The following PDLIM1 variants were observed in gnomAD, a reference collection of about 807,000 sequenced individuals.
PDLIM1 encodes the protein PDZ and LIM domain protein 1.
A neutral mutation model predicts 35.2 loss-of-function variants in PDLIM1; 25 were observed. The observed-to-expected ratio is 0.71, with a 90% CI of 0.52 to 0.99. The LOEUF (loss-of-function observed/expected upper bound fraction) is 0.99, where lower values mean the gene tolerates loss of function less well. Among genes scored for constraint, PDLIM1 ranks in the 50% least tolerant of loss-of-function variants. The pLI, the probability that PDLIM1 is intolerant of heterozygous loss-of-function variation, is 0.00. For missense variants in PDLIM1, 363 were observed against 415.3 expected (o/e 0.87, Z 1.09); for synonymous variants, 152 against 154.0 (o/e 0.99, Z 0.10).
intron 4 of PDLIM1, among the ~76,000 whole-genome samples, chr10:95,250,702 G>A (rs537481310): frequency 3.3e-5 from 5 of 152,298 alleles, no homozygotes; most frequent in East Asian, 1.9e-4. Flanking sequence ...TTTTGACGGC[G>A]TAACAGTGAA....
chr10:95,286,929 TGACCCA>T, intron 1 of PDLIM1, among the ~76,000 whole-genome samples: 1 of 152,204 alleles, frequency 6.6e-6, no homozygotes, highest in Non-Finnish European at 1.5e-5. Flanking sequence ...TAGGAGAATA[TGACCCA>T]GACGCTTAGA....
chr10:95,245,642 C>T (rs1268302135), intron 5 of PDLIM1, among the ~76,000 whole-genome samples: 1 of 152,208 alleles, frequency 6.6e-6, no homozygotes, highest in Non-Finnish European at 1.5e-5. Context: ...AAAGCTAATA[C>T]TGGAACTTGA....
chr10:95,286,358 A>G (rs2035602099), intron 1 of PDLIM1, among the ~76,000 whole-genome samples: 1 of 149,588 alleles, frequency 6.7e-6, no homozygotes, highest in Non-Finnish European at 1.5e-5. Context: ...CCCTGTCTCA[A>G]AAAAAAAAAA....
At chr10:95,283,989 G>C (rs201742352) in intron 1 of PDLIM1, among the ~76,000 whole-genome samples, 46,137 of 150,600 alleles carry the variant, frequency 0.31, 7,176 homozygotes, top group Middle Eastern at 0.35. Context: ...CTCTGTGTGT[G>C]TGTGTGTGTG....
rs772454674 is a variant in PDLIM1, at chr10:95,290,942, G to T, written c.-27C>A. ...GCGCGGCTGTGGCGGGCGACGACCCGCGGGGACAGACGGGCAGGACGCGCG... is the reference window on the plus strand; with the variant it reads ...GCGCGGCTGTGGCGGGCGACGACCCTCGGGGACAGACGGGCAGGACGCGCG... On this transcript the variant is annotated 5_prime_UTR_variant, in exon 1 of 7. Transcript: ENST00000329399. This position sits in a 1 kb window ranked among gnomAD's most constrained non-coding sequence, Gnocchi z 4.7. 2.7e-6 allele frequency: 4 copies of T among 1,459,002 alleles called. No individual in the cohort carries two copies. Among genetic ancestry groups the T allele is most frequent in the Non-Finnish European group, 3.7e-6 (4 of 1,072,416 alleles). The allele number at this position is 1,459,002 out of a possible 1,614,324, so 90.4% of individuals were successfully genotyped here. A position where few individuals can be genotyped will look rare whatever the true frequency, so the allele number is the denominator to read the frequency against.
intron 4 of PDLIM1, among the ~76,000 whole-genome samples, chr10:95,260,062 A>T (rs1476936593): frequency 6.6e-6 from 1 of 152,248 alleles, no homozygotes; most frequent in Non-Finnish European, 1.5e-5. Context: ...ATGGGGATGG[A>T]GTTCCTCATG....
intron 1 of PDLIM1, among the ~76,000 whole-genome samples, chr10:95,285,722 C>G (rs1312355158): frequency 6.6e-6 from 1 of 152,192 alleles, no homozygotes; most frequent in African/African-American, 2.4e-5. Context: ...CCACTCACTG[C>G]TATATGATGC....
intron 5 of PDLIM1, among the ~76,000 whole-genome samples, chr10:95,241,213 A>C (rs1464210241): frequency 1.3e-5 from 2 of 152,206 alleles, no homozygotes. Context: ...CGAACCAAAA[A>C]TTGAGACACA....
intron 2 of PDLIM1, 91 bp from the exon 3 acceptor site, chr10:95,268,953 G>T (rs2035439022): frequency 1.2e-5 from 11 of 881,908 alleles, no homozygotes; most frequent in Non-Finnish European, 2.0e-5. Flanking sequence ...CTCTTTCCTG[G>T]ACTAGGCACT....
chr10:95,247,606 T>C, intron 4 of PDLIM1: 2 of 395,940 alleles, frequency 5.1e-6, no homozygotes, highest in Admixed American at 4.5e-5. Flanking sequence ...CTTCAGTAGC[T>C]CAATTACTTT....
intron 1 of PDLIM1, among the ~76,000 whole-genome samples, chr10:95,281,438 C>A (rs1363798800): frequency 2.0e-5 from 3 of 152,098 alleles, no homozygotes; most frequent in Admixed American, 1.3e-4. Flanking sequence ...ATTAGCCAGG[C>A]ATGTAGTCCC....
At chr10:95,268,162 T>C (rs2133429380) in intron 3 of PDLIM1, among the ~76,000 whole-genome samples, 1 of 152,378 alleles carries the variant, frequency 6.6e-6, no homozygotes, top group Middle Eastern at 3.4e-3. Context: ...ATATGGGATC[T>C]TAGGGCAGTC....
At chr10:95,270,661 T>C (rs1386799798) in intron 2 of PDLIM1, among the ~76,000 whole-genome samples, 1 of 152,242 alleles carries the variant, frequency 6.6e-6, no homozygotes, top group African/African-American at 2.4e-5. Flanking sequence ...CTCAGTACTC[T>C]GCTGCTAATG....
At chr10:95,277,287 C>T (rs1229538672) in intron 1 of PDLIM1, among the ~76,000 whole-genome samples, 2 of 151,882 alleles carry the variant, frequency 1.3e-5, no homozygotes, top group African/African-American at 4.8e-5. Flanking sequence ...CCTTTTTCCC[C>T]AGAGACCATA....
chr10:95,252,417 T>C (rs898914454), intron 4 of PDLIM1, among the ~76,000 whole-genome samples: 4 of 152,156 alleles, frequency 2.6e-5, no homozygotes, highest in African/African-American at 4.8e-5. Flanking sequence ...CCCAATCCCA[T>C]ATCTGAGAGG....
intron 4 of PDLIM1, among the ~76,000 whole-genome samples, chr10:95,250,068 T>C (rs971134747): frequency 6.6e-6 from 1 of 152,212 alleles, no homozygotes; most frequent in African/African-American, 2.4e-5. Context: ...TTTCCAGCCC[T>C]TTCTTTGAGT....
intron 4 of PDLIM1, among the ~76,000 whole-genome samples, chr10:95,258,375 G>A (rs1308038571): frequency 6.6e-5 from 10 of 152,020 alleles, no homozygotes; most frequent in African/African-American, 2.4e-4. Context: ...GGTGGCACAC[G>A]CCTGTAATCC....
intron 1 of PDLIM1, among the ~76,000 whole-genome samples, chr10:95,280,512 C>T (rs772578509): frequency 3.9e-5 from 6 of 152,186 alleles, no homozygotes; most frequent in Admixed American, 6.5e-5. Flanking sequence ...ACTAGGATTA[C>T]CAAATGCCCT....
chr10:95,249,489 T>G lies in PDLIM1; in HGVS notation c.534-2123A>C, dbSNP rs148277229. On this transcript the variant is annotated intron_variant, in intron 4 of 6. Coordinates refer to ENST00000329399, the MANE Select transcript of PDLIM1 (RefSeq NM_020992.4). ...AGCCCACCAGGCTGCCTCCCAGCTT[T>G]ACAGATGCAGGCAGTGGCCAGGAGT... 8.3e-3 allele frequency among the ~76,000 whole-genome samples: 1,271 copies of G among 152,320 alleles called. 11 individuals carry two copies. Among genetic ancestry groups the G allele is most frequent in the Non-Finnish European group, 0.012 (783 of 68,010 alleles).
Sources: allele counts gnomAD v4.1 joint callset (sites outside exome capture counted in the v4.1 genomes callset), GRCh38; gene constraint gnomAD v4.1.1; non-coding constraint Gnocchi (gnomAD v3.1); transcripts MANE v1.5; gene names NCBI Gene and HGNC (gene_info 2026-07-23, HGNC 2026-07-21).